Variants in ATP6V0E1 observed in about 807,000 individuals in gnomAD.
The protein encoded by ATP6V0E1 is ATPase H+ transporting V0 subunit e1.
In ATP6V0E1, 4 loss-of-function variants were observed where a neutral mutation model predicts 11.6. That is an observed-to-expected ratio of 0.35 (90% CI 0.17 to 0.79). The LOEUF (loss-of-function observed/expected upper bound fraction) is 0.79. Ranked by LOEUF, ATP6V0E1 falls within the 30% of genes least tolerant of loss-of-function variation. The pLI, the probability that ATP6V0E1 is intolerant of heterozygous loss-of-function variation, is 0.54. For synonymous variants in ATP6V0E1, 36 were observed against 34.8 expected (o/e 1.04, Z -0.13); for missense variants, 105 against 100.0 (o/e 1.05, Z -0.21).
intron 1 of ATP6V0E1, among the ~76,000 whole-genome samples, chr5:172,984,292 AGTC>A: frequency 6.6e-6 from 1 of 152,350 alleles, no homozygotes; most frequent in East Asian, 1.9e-4. Flanking sequence ...GTTTGTCCCT[AGTC>A]GACTGTCCCC....
chr5:172,999,801 A>G (rs1756124712), intron 2 of ATP6V0E1, among the ~76,000 whole-genome samples: 1 of 152,220 alleles, frequency 6.6e-6, no homozygotes, highest in Admixed American at 6.5e-5. Flanking sequence ...TTCCAACATT[A>G]AATGCTTCTG....
chr5:172,990,485 GGTTT>G (rs1358810166), intron 1 of ATP6V0E1, among the ~76,000 whole-genome samples: 6 of 151,760 alleles, frequency 4.0e-5, no homozygotes, highest in Non-Finnish European at 8.8e-5. Flanking sequence ...CTTTTTTTGT[GGTTT>G]GTTTTAATTT....
At chr5:172,996,574 A>AATACATACATACATACATACATAC in intron 2 of ATP6V0E1, among the ~76,000 whole-genome samples, 2 of 151,804 alleles carry the variant, frequency 1.3e-5, no homozygotes, top group African/African-American at 4.8e-5. Context: ...AAAAAAAAAA[A>AATACATACATACATACATACATAC]ATACATACAT....
At chr5:173,020,810 G>A (rs776446593) in intron 3 of ATP6V0E1, 56 of 519,554 alleles carry the variant, frequency 1.1e-4, no homozygotes, top group Admixed American at 1.0e-3. Flanking sequence ...GTCTTCATCC[G>A]GTTGCCTGCG....
At chr5:173,004,847 C>G (rs889464672) in intron 2 of ATP6V0E1, among the ~76,000 whole-genome samples, 2 of 152,052 alleles carry the variant, frequency 1.3e-5, no homozygotes, top group African/African-American at 4.8e-5. Context: ...TTTTGTTTTT[C>G]TGTTTTGTTT....
chr5:172,992,763 G>A (rs1343105894), intron 1 of ATP6V0E1, among the ~76,000 whole-genome samples: 2 of 152,104 alleles, frequency 1.3e-5, no homozygotes, highest in Non-Finnish European at 2.9e-5. Flanking sequence ...TATGCCAGTA[G>A]CACGTGAGCT....
In ATP6V0E1 at chr5:173,005,052, G is replaced by T. The variant is rs112476359; in HGVS notation, c.152+10230G>T. 8.7e-3 allele frequency among the ~76,000 whole-genome samples: 1,314 copies of T among 151,892 alleles called. 18 individuals are homozygous for T. Among genetic ancestry groups the T allele is most frequent in the African/African-American group, 0.03 (1,253 of 41,410 alleles). ...AATATACTGTCTTGAGTATTGCAGA[G>T]TTATGTTAAAATCAGAAAGTGTGAG... On this transcript the variant is annotated intron_variant, in intron 2 of 3. Transcript: ENST00000519374.
intron 2 of ATP6V0E1, among the ~76,000 whole-genome samples, chr5:173,005,161 A>G (rs10056118): frequency 9.6e-4 from 96 of 99,830 alleles, no homozygotes; most frequent in African/African-American, 2.7e-3. Flanking sequence ...AGTTTCTACG[A>G]AAAAAAAAAA....
chr5:173,027,940 T>A (rs1416831650), intron 3 of ATP6V0E1, among the ~76,000 whole-genome samples: 1 of 152,182 alleles, frequency 6.6e-6, no homozygotes, highest in Admixed American at 6.6e-5. Context: ...CCTTCCATGA[T>A]AATGAGAGAA....
chr5:173,027,094 G>T (rs1167260864), intron 3 of ATP6V0E1, among the ~76,000 whole-genome samples: 1 of 149,062 alleles, frequency 6.7e-6, no homozygotes, highest in African/African-American at 2.5e-5. Flanking sequence ...CAGGATAATG[G>T]CATGAACCTG....
chr5:173,012,913 C>CTTTGGGAGGT (rs1756350997), intron 2 of ATP6V0E1, among the ~76,000 whole-genome samples: 1 of 152,164 alleles, frequency 6.6e-6, no homozygotes, highest in African/African-American at 2.4e-5. Context: ...TGGCTCACAC[C>CTTTGGGAGGT]TGTAATCCCA....
At chr5:173,030,629 C>G (rs973620101) in intron 3 of ATP6V0E1, among the ~76,000 whole-genome samples, 1 of 150,878 alleles carries the variant, frequency 6.6e-6, no homozygotes, top group Non-Finnish European at 1.5e-5. Flanking sequence ...TTAGTAGAGA[C>G]GGGGTTTCAC....
chr5:173,032,045 T>C (rs1581638775), intron 3 of ATP6V0E1, among the ~76,000 whole-genome samples: 1 of 151,658 alleles, frequency 6.6e-6, no homozygotes. Flanking sequence ...TCCTAGCTAC[T>C]TGGGAGGCTG....
intron 2 of ATP6V0E1, among the ~76,000 whole-genome samples, chr5:172,998,293 T>G (rs898313241): frequency 6.6e-6 from 1 of 150,568 alleles, no homozygotes; most frequent in Non-Finnish European, 1.5e-5. Flanking sequence ...AGGGAATTCT[T>G]ATCACTGTGT....
chr5:172,984,667 A>T (rs1450492215), intron 1 of ATP6V0E1, among the ~76,000 whole-genome samples: 1 of 152,204 alleles, frequency 6.6e-6, no homozygotes, highest in East Asian at 1.9e-4. Context: ...CTCTTTTGGA[A>T]TTAAACTTTT....
intron 3 of ATP6V0E1, among the ~76,000 whole-genome samples, chr5:173,033,274 G>A (rs1007352679): frequency 1.4e-4 from 21 of 152,104 alleles, no homozygotes; most frequent in African/African-American, 4.8e-4. Context: ...AGAGAGTCTC[G>A]CTATGTTGCC....
At chr5:172,997,832 C>G (rs989703725) in intron 2 of ATP6V0E1, among the ~76,000 whole-genome samples, 3 of 136,110 alleles carry the variant, frequency 2.2e-5, no homozygotes, top group Non-Finnish European at 4.8e-5. Context: ...AAAAAAAGTT[C>G]TAGGCCGGGC....
At chr5:172,991,632 A>G (rs1755978651) in intron 1 of ATP6V0E1, among the ~76,000 whole-genome samples, 1 of 152,162 alleles carries the variant, frequency 6.6e-6, no homozygotes, top group South Asian at 2.1e-4. Flanking sequence ...TCAGTTACAA[A>G]TGAAGCGGGG....
intron 3 of ATP6V0E1, among the ~76,000 whole-genome samples, chr5:173,023,799 C>T (rs983457650): frequency 6.6e-6 from 1 of 151,974 alleles, no homozygotes; most frequent in African/African-American, 2.4e-5. Context: ...GAGCCAAGAT[C>T]GCACCACTGC....
Sources: allele counts gnomAD v4.1 joint callset (sites outside exome capture counted in the v4.1 genomes callset), GRCh38; gene constraint gnomAD v4.1.1; transcripts MANE v1.5; gene names NCBI Gene and HGNC (gene_info 2026-07-23, HGNC 2026-07-21).